Variants in ATP10A observed in about 807,000 individuals in gnomAD.
The protein encoded by ATP10A is ATPase phospholipid transporting 10A (putative).
In ATP10A, 111 loss-of-function variants were observed where a neutral mutation model predicts 147.8. The observed-to-expected ratio is 0.75, with a 90% confidence interval of 0.64 to 0.88. ATP10A has a LOEUF of 0.88. Among genes scored for constraint, ATP10A ranks in the 40% least tolerant of loss-of-function variants. The pLI is 0.00. For synonymous variants in ATP10A, 875 were observed against 841.6 expected (o/e 1.04, Z -0.69); for missense variants, 1,927 against 1,959.0 (o/e 0.98, Z 0.31).
intron 1 of ATP10A, among the ~76,000 whole-genome samples, chr15:25,839,982 C>T (rs1892746260): frequency 6.6e-6 from 1 of 152,062 alleles, no homozygotes; most frequent in South Asian, 2.1e-4. Context: ...AAATAGTACC[C>T]ACACACAATC....
chr15:25,687,946 G>A, intron 15 of ATP10A, 118 bp from the exon 16 acceptor site: 1 of 1,450,692 alleles, frequency 6.9e-7, no homozygotes, highest in Non-Finnish European at 9.6e-7. Flanking sequence ...TGAACACAGT[G>A]CGAGCGTGGC....
intron 5 of ATP10A, 27 bp from the exon 6 acceptor site, chr15:25,724,048 C>A: frequency 6.8e-7 from 1 of 1,478,166 alleles, no homozygotes; most frequent in Non-Finnish European, 9.0e-7. Flanking sequence ...AGAGAAATGT[C>A]ATTCATCCAA....
intron 2 of ATP10A, among the ~76,000 whole-genome samples, chr15:25,757,402 A>G: frequency 6.6e-6 from 1 of 152,124 alleles, no homozygotes; most frequent in South Asian, 2.1e-4. Context: ...GAGAAAAGGA[A>G]AACAATTTTG....
intron 2 of ATP10A, among the ~76,000 whole-genome samples, chr15:25,763,172 G>A (rs1888850096): frequency 6.6e-6 from 1 of 152,108 alleles, no homozygotes; most frequent in Non-Finnish European, 1.5e-5. Context: ...TCCTCCACCT[G>A]CACTCAATTC....
At chr15:25,691,612 C>T (rs1004836019) in intron 15 of ATP10A, 103 bp downstream of exon 15, 227 of 1,179,612 alleles carry the variant, frequency 1.9e-4, no homozygotes, top group South Asian at 2.5e-4. Context: ...CCTTTAGCCT[C>T]GTTCAGTAGA....
intron 1 of ATP10A, among the ~76,000 whole-genome samples, chr15:25,847,534 C>G (rs1893076602): frequency 6.8e-6 from 1 of 146,610 alleles, no homozygotes; most frequent in Non-Finnish European, 1.5e-5. Flanking sequence ...CTTTGCGGGT[C>G]ACGGGGTCTT....
chr15:25,746,607 A>G lies in ATP10A; in HGVS notation c.655-10466T>C, dbSNP rs80344883. Among the ~76,000 whole-genome samples the G allele has an allele frequency of 4.5e-4, 68 of 152,338 alleles. 3 individuals carry two copies. The East Asian group carries it at 0.012, about 26-fold the overall frequency. ...CTGTGCCATAAGCAAGTATCAATCA[A>G]TTTCAAAAAACTAAATTCATATAGG... On this transcript the variant is annotated intron_variant, in intron 2 of 20. Transcript: ENST00000555815.
At position 25,680,107 on chromosome 15, in the gene ATP10A, G is replaced by A. The variant is rs746418207; in HGVS notation, c.3866+14C>T. 12 of 1,612,012 alleles carry A rather than the reference G, an allele frequency of 7.4e-6. No homozygotes were observed. The Admixed American group carries it at 8.3e-5, about 11-fold the overall frequency. ...ACTCGGGGCTCAGAGGCACTATCCC[G>A]CTCCGACACCCACCTGGGCAGCAGT... On this transcript the variant is annotated intron_variant, in intron 20 of 20. Transcript: ENST00000555815.
chr15:25,749,750 T>C (rs1260684517), intron 2 of ATP10A, among the ~76,000 whole-genome samples: 2 of 152,100 alleles, frequency 1.3e-5, no homozygotes, highest in African/African-American at 4.8e-5. Context: ...GGCTTTCCAA[T>C]GATCAAAAAC....
intron 1 of ATP10A, among the ~76,000 whole-genome samples, chr15:25,846,647 C>T (rs74793279): frequency 0.032 from 4,859 of 152,278 alleles, 301 homozygotes; most frequent in African/African-American, 0.11. Context: ...AATCACCTAG[C>T]CTGACATGTG....
intron 2 of ATP10A, among the ~76,000 whole-genome samples, chr15:25,750,504 A>T (rs1888090911): frequency 6.6e-6 from 1 of 152,142 alleles, no homozygotes; most frequent in Non-Finnish European, 1.5e-5. Flanking sequence ...GGATCTACAC[A>T]AAAGAATGAA....
Position 25,863,164 on chromosome 15 carries a change from A to G in ATP10A, c.-68T>C, listed in dbSNP as rs994119267. 18 of 1,043,794 alleles carry G rather than the reference A, an allele frequency of 1.7e-5. No individual in the cohort carries two copies. Among genetic ancestry groups the G allele is most frequent in the Non-Finnish European group, 2.1e-5 (18 of 857,000 alleles). The allele number at this position is 1,043,794 out of a possible 1,614,324, so 64.7% of individuals were successfully genotyped here. A position where few individuals can be genotyped will look rare whatever the true frequency, so the allele number is the denominator to read the frequency against. ...GCCCGCGCCGGCCTCTTAGGTTATCATCACTCGCGGCCCGGGCGCGGCGGT... is the reference window on the plus strand; with the variant it reads ...GCCCGCGCCGGCCTCTTAGGTTATCGTCACTCGCGGCCCGGGCGCGGCGGT... On this transcript the variant is annotated 5_prime_UTR_variant, in exon 1 of 21. It removes an upstream start codon present in the reference 5' UTR. Transcript: ENST00000555815.
In ATP10A at chr15:25,788,312, T is replaced by A. The variant is rs1027360303; in HGVS notation, c.450-7089A>T. On this transcript the variant is annotated intron_variant, in intron 1 of 20. Transcript: ENST00000555815. ...CAGTCTCAAGTGCATTGATGACTCA[T>A]CCCCAGTAAGACAGGGCGCCAGCCC... Among the ~76,000 whole-genome samples the A allele has an allele frequency of 4.0e-4, 61 of 152,322 alleles. 1 individual carries two copies. Among genetic ancestry groups the A allele is most frequent in the African/African-American group, 1.5e-3 (61 of 41,574 alleles).
chr15:25,699,422 C>T (rs1900538464), intron 13 of ATP10A, among the ~76,000 whole-genome samples: 1 of 152,324 alleles, frequency 6.6e-6, no homozygotes, highest in African/African-American at 2.4e-5. Flanking sequence ...ACCTAACCCT[C>T]ACACCTTTCA....
intron 1 of ATP10A, among the ~76,000 whole-genome samples, chr15:25,850,628 T>A (rs56311514): frequency 6.9e-6 from 1 of 145,970 alleles, no homozygotes; most frequent in Admixed American, 6.7e-5. Flanking sequence ...GCTGCTCCAT[T>A]CTCCCTCCCT....
At chr15:25,795,264 A>G (rs889175139) in intron 1 of ATP10A, among the ~76,000 whole-genome samples, 3 of 152,134 alleles carry the variant, frequency 2.0e-5, no homozygotes, top group African/African-American at 7.2e-5. Context: ...CACACAGCCC[A>G]GCCCACAGGA....
intron 2 of ATP10A, among the ~76,000 whole-genome samples, chr15:25,750,384 G>T (rs957672746): frequency 6.6e-6 from 1 of 151,984 alleles, no homozygotes; most frequent in Non-Finnish European, 1.5e-5. Flanking sequence ...AAATAAAGAT[G>T]TTTGCACATA....
intron 2 of ATP10A, among the ~76,000 whole-genome samples, chr15:25,780,324 GGGA>G (rs1367439526): frequency 1.3e-5 from 2 of 152,276 alleles, no homozygotes; most frequent in African/African-American, 4.8e-5. Flanking sequence ...AAGGAGGCTT[GGGA>G]GGAGAAGGCT....
In ATP10A at chr15:25,707,987, A is replaced by G; in HGVS notation, c.2564T>C (p.Leu855Pro). Residue 855 changes from leucine to proline, a missense_variant, in exon 12 of 21, where the codon CTG becomes CCG. Leu to Pro is a moderately conservative substitution (Grantham distance 98, BLOSUM62 -3). Coordinates refer to ENST00000555815, the MANE Select transcript of ATP10A (RefSeq NM_024490.4). ...CTCAAGTTAATTACCTAACAAGTGC[A>G]GGTTGGTCTCCAGGCGAATGGCAGA... is the stretch of plus-strand genomic sequence containing the variant. ...FQSAIRLETN[L>P]HLLGATGIED... 6.2e-7 allele frequency: 1 copy of G among 1,614,164 alleles called. No individual in the cohort carries two copies. Among genetic ancestry groups the G allele is most frequent in the Non-Finnish European group, 8.5e-7 (1 of 1,180,018 alleles).
Sources: gnomAD v4.1 joint callset for allele counts (sites outside exome capture counted in the v4.1 genomes callset) on GRCh38, gnomAD v4.1.1 for gene constraint, MANE v1.5 for transcripts, NCBI Gene and HGNC (gene_info 2026-07-23, HGNC 2026-07-21) for gene names.